The following SLC7A2 variants were observed in gnomAD, a reference collection of about 807,000 sequenced individuals.
SLC7A2 encodes solute carrier family 7 member 2, also known as cationic amino acid transporter 2.
In SLC7A2, 48 loss-of-function variants were observed where a neutral mutation model predicts 58.9. That is an observed-to-expected ratio of 0.82 (90% CI 0.65 to 1.04). The LOEUF (loss-of-function observed/expected upper bound fraction) is 1.04, where lower values mean the gene tolerates loss of function less well. SLC7A2 is among the 50% of genes least tolerant of loss of function. The pLI, the probability that SLC7A2 is intolerant of heterozygous loss-of-function variation, is 0.00. For missense variants in SLC7A2, 1,029 were observed against 818.8 expected, an observed-to-expected ratio of 1.26 and a Z score of -3.13; for synonymous variants, 363 against 314.5, an observed-to-expected ratio of 1.15 and a Z score of -1.63.
chr8:17,562,330 C>G (rs535800247), intron 11 of SLC7A2, among the ~76,000 whole-genome samples: 48 of 151,664 alleles, frequency 3.2e-4, no homozygotes, highest in African/African-American at 1.1e-3. Flanking sequence ...CTCGGACTCC[C>G]CAGTAGCTGG....
intron 2 of SLC7A2, among the ~76,000 whole-genome samples, chr8:17,509,055 A>G (rs1413432713): frequency 8.5e-5 from 13 of 152,182 alleles, no homozygotes; most frequent in Non-Finnish European, 2.9e-5. Context: ...AGGCAGCTCT[A>G]GGAGTGGGGA....
At chr8:17,563,173 A>T (rs1803101494) in intron 11 of SLC7A2, among the ~76,000 whole-genome samples, 1 of 152,130 alleles carries the variant, frequency 6.6e-6, no homozygotes, top group African/African-American at 2.4e-5. Context: ...ATTGAACATT[A>T]AAAAGATAAG....
In SLC7A2 at chr8:17,567,551, T is replaced by C. The variant is rs1000418522; in HGVS notation, c.*2405T>C. On this transcript the variant is annotated 3_prime_UTR_variant, in exon 13 of 13. Coordinates refer to ENST00000494857, the MANE Select transcript of SLC7A2 (RefSeq NM_001370338.1). ...TTGTATGTTTGTTAACAGTTACATA[T>C]GTTTGTATGAGTGTATATATATATC... 2 of 150,562 alleles carry C rather than the reference T, an allele frequency of 1.3e-5. No homozygotes were observed. Among genetic ancestry groups the C allele is most frequent in the African/African-American group, 2.5e-5 (1 of 39,758 alleles). The allele number at this position is 150,562 out of a possible 1,614,324, so 9.3% of individuals were successfully genotyped here.
At chr8:17,497,920 CCAGAGTACCTGTCCGTT>C (rs1289011444) in intron 1 of SLC7A2, among the ~76,000 whole-genome samples, 2 of 152,170 alleles carry the variant, frequency 1.3e-5, no homozygotes, top group Non-Finnish European at 2.9e-5. Context: ...ACCCATCACC[CCAGAGTACCTGTCCGTT>C]CAGAAAGTAC....
chr8:17,559,369 T>C (rs1408277079), intron 9 of SLC7A2, among the ~76,000 whole-genome samples: 2 of 152,126 alleles, frequency 1.3e-5, no homozygotes, highest in East Asian at 3.9e-4. Context: ...CATGTCCTTC[T>C]TCACATGCTG....
Position 17,563,647 on chromosome 8 carries a change from C to A in SLC7A2, c.1716C>A (p.Asn572Lys), listed in dbSNP as rs755402576. 30 of 1,613,590 alleles carry A rather than the reference C, an allele frequency of 1.9e-5. No homozygotes were observed. The East Asian group carries it at 6.7e-4, about 36-fold the overall frequency. Residue 572 changes from asparagine (N) to lysine (K), a missense_variant, in exon 12 of 13, where the codon AAC (asparagine) becomes AAA (lysine). Transcript: ENST00000494857. ...PFLPAFSILV[N>K]IYLMVQLSAD... The stretch of plus-strand genomic sequence containing the variant: ...TGCCAGCGTTCAGCATCTTGGTGAA[C>A]ATTTACTTGATGGTCCAGTTAAGTG...
chr8:17,523,084 C>T (rs1005317935), intron 2 of SLC7A2, among the ~76,000 whole-genome samples: 3 of 151,882 alleles, frequency 2.0e-5, no homozygotes, highest in Non-Finnish European at 2.9e-5. Flanking sequence ...TGCAGCAAAC[C>T]ACTGTGGCAC....
intron 2 of SLC7A2, among the ~76,000 whole-genome samples, chr8:17,529,677 T>C (rs968144718): frequency 1.3e-5 from 2 of 151,906 alleles, no homozygotes; most frequent in Non-Finnish European, 2.9e-5. Flanking sequence ...TGGGATTATA[T>C]GTGTCCACCA....
intron 2 of SLC7A2, among the ~76,000 whole-genome samples, chr8:17,534,694 G>GAAAAA (rs34390459): frequency 7.8e-6 from 1 of 128,356 alleles, no homozygotes; most frequent in Non-Finnish European, 1.6e-5. Flanking sequence ...GTTTCAAATG[G>GAAAAA]AAAAAAAAAA....
In SLC7A2 at chr8:17,545,699, C is replaced by T. The variant is rs117447675; in HGVS notation, c.532+1093C>T. ...AGGCGTGAGCCACCATGCCTGGCCA[C>T]GTTTTCTCTTTTGAGTCTCCTTCTT... On this transcript the variant is annotated intron_variant, in intron 4 of 12. Transcript: ENST00000494857. 9.9e-5 allele frequency among the ~76,000 whole-genome samples: 15 copies of T among 152,022 alleles called. No homozygotes were observed. The East Asian group carries it at 2.3e-3, about 24-fold the overall frequency.
chr8:17,550,858 T>C (rs1802415519), intron 6 of SLC7A2, among the ~76,000 whole-genome samples: 1 of 152,216 alleles, frequency 6.6e-6, no homozygotes, highest in African/African-American at 2.4e-5. Flanking sequence ...TCTTTCTATG[T>C]TATCTTATAC....
At chr8:17,514,592 C>A (rs1800728246) in intron 2 of SLC7A2, among the ~76,000 whole-genome samples, 1 of 152,140 alleles carries the variant, frequency 6.6e-6, no homozygotes, top group South Asian at 2.1e-4. Flanking sequence ...TATAGCTGTT[C>A]TGAGTAGCAC....
chr8:17,522,081 A>G (rs145588332), intron 2 of SLC7A2, among the ~76,000 whole-genome samples: 5 of 152,318 alleles, frequency 3.3e-5, no homozygotes, highest in African/African-American at 1.2e-4. Context: ...CACGCTGCTG[A>G]TAAAGACGTA....
chr8:17,558,608 C>G (rs1305243015), intron 9 of SLC7A2, among the ~76,000 whole-genome samples: 3 of 152,170 alleles, frequency 2.0e-5, no homozygotes, highest in African/African-American at 7.2e-5. Flanking sequence ...ATAGGTTGGC[C>G]TGATCTACAT....
At chr8:17,506,159 C>G (rs4921553) in intron 2 of SLC7A2, among the ~76,000 whole-genome samples, 40,467 of 152,132 alleles carry the variant, frequency 0.27, 6,127 homozygotes, top group Non-Finnish European at 0.35. Flanking sequence ...TCATCAAGAA[C>G]ATAGCACAGA....
At chr8:17,558,527 A>G in intron 9 of SLC7A2, 130 bp downstream of exon 9, 2 of 533,506 alleles carry the variant, frequency 3.7e-6, no homozygotes, top group Non-Finnish European at 6.8e-6. Flanking sequence ...CATCTAACAA[A>G]ATAGCAATGA....
intron 2 of SLC7A2, among the ~76,000 whole-genome samples, chr8:17,529,939 A>G (rs996386500): frequency 2.6e-5 from 4 of 152,172 alleles, no homozygotes; most frequent in African/African-American, 9.7e-5. Flanking sequence ...CTGTTTTGCC[A>G]TTAAAAGCAG....
chr8:17,535,735 T>G (rs139623541), intron 2 of SLC7A2, among the ~76,000 whole-genome samples: 4 of 152,178 alleles, frequency 2.6e-5, no homozygotes, highest in Middle Eastern at 3.4e-3. Context: ...AAACCCTGTC[T>G]CTACTAAAAA....
intron 2 of SLC7A2, among the ~76,000 whole-genome samples, chr8:17,506,894 T>A (rs1026143639): frequency 3.3e-5 from 5 of 152,118 alleles, no homozygotes. Flanking sequence ...CAGACCATTC[T>A]GTTTTTGTGA....
Sources: allele counts gnomAD v4.1 joint callset (sites outside exome capture counted in the v4.1 genomes callset), GRCh38; gene constraint gnomAD v4.1.1; transcripts MANE v1.5; gene names NCBI Gene and HGNC (gene_info 2026-07-23, HGNC 2026-07-21).